RAD51B: variants seen among roughly 807,000 people sequenced by gnomAD.
RAD51B encodes the protein RAD51 paralog B, also known as DNA repair protein RAD51 homolog 2.
RAD51B carries 38 observed loss-of-function variants against 42.2 expected under a neutral mutation model. That is an observed-to-expected ratio of 0.90 (90% CI 0.70 to 1.18). The LOEUF (loss-of-function observed/expected upper bound fraction) is 1.18, where lower values mean the gene tolerates loss of function less well. RAD51B is among the 50% of genes most tolerant of loss of function. RAD51B has a pLI of 0.00. For synonymous variants in RAD51B, 154 were observed against 145.2 expected, an observed-to-expected ratio of 1.06 and a Z score of -0.43; for missense variants, 373 against 400.7, an observed-to-expected ratio of 0.93 and a Z score of 0.59.
At chr14:68,261,047 A>G (rs1488765697) in intron 7 of RAD51B, among the ~76,000 whole-genome samples, 1 of 152,212 alleles carries the variant, frequency 6.6e-6, no homozygotes, top group Non-Finnish European at 1.5e-5. Context: ...ATTTCATAGA[A>G]TCAATTTTTT....
chr14:68,478,189 G>A (rs1882873042), downstream of RAD51B: 1 of 1,014,830 alleles, frequency 9.9e-7, no homozygotes, highest in Non-Finnish European at 1.2e-6. Context: ...GGCGGGCATG[G>A]GCAAGGGGGT....
chr14:68,176,931 G>A (rs1165035058), intron 7 of RAD51B, among the ~76,000 whole-genome samples: 2 of 152,118 alleles, frequency 1.3e-5, no homozygotes, highest in African/African-American at 2.4e-5. Flanking sequence ...CCAAGATGGA[G>A]TTCTGTTTTT....
intron 11 of RAD51B, among the ~76,000 whole-genome samples, chr14:68,675,437 C>A (rs1026294830): frequency 1.3e-5 from 2 of 152,110 alleles, no homozygotes; most frequent in African/African-American, 4.8e-5. Flanking sequence ...GCTTAGGCAT[C>A]TAGGATATGC....
chr14:68,632,784 T>G (rs1186018818), intron 10 of RAD51B, among the ~76,000 whole-genome samples: 1 of 151,872 alleles, frequency 6.6e-6, no homozygotes, highest in African/African-American at 2.4e-5. Context: ...CAGTGGGTCT[T>G]TATGTTTTAC....
intron 9 of RAD51B, among the ~76,000 whole-genome samples, chr14:68,448,683 T>A (rs538848448): frequency 6.6e-6 from 1 of 152,348 alleles, no homozygotes; most frequent in Admixed American, 6.5e-5. Context: ...CATTTTGGCA[T>A]AGTCTGCTTT....
chr14:67,945,658 A>C (rs2045365436), intron 7 of RAD51B, among the ~76,000 whole-genome samples: 1 of 151,668 alleles, frequency 6.6e-6, no homozygotes, highest in African/African-American at 2.4e-5. Flanking sequence ...TTTAGTAGAG[A>C]TGGGGTTTCG....
chr14:68,035,400 C>G (rs918225563), intron 7 of RAD51B, among the ~76,000 whole-genome samples: 2 of 151,818 alleles, frequency 1.3e-5, no homozygotes, highest in Non-Finnish European at 2.9e-5. Context: ...ATTAACATAT[C>G]CTGAGTTACA....
exon 11 of RAD51B, chr14:68,611,144 T>C: frequency 1.4e-6 from 1 of 703,226 alleles, no homozygotes; most frequent in Non-Finnish European, 2.6e-6. Context: ...AGTGTCTCCA[T>C]GTGCCCTCCA....
chr14:68,433,304 G>A (rs1481444422), intron 9 of RAD51B, among the ~76,000 whole-genome samples: 1 of 152,146 alleles, frequency 6.6e-6, no homozygotes, highest in Non-Finnish European at 1.5e-5. Context: ...GCCTTGCTAG[G>A]TTGGAGAAGT....
rs752494264 is a variant in RAD51B, at chr14:68,030,900, G to A, written c.756+143696G>A. On this transcript the variant is annotated intron_variant, in intron 7 of 10. Coordinates refer to ENST00000471583, the MANE Select transcript of RAD51B (RefSeq NM_133510.4). Reference sequence around the variant, plus strand: ...TAATTGGCCTGATTTCAATATTGTTGTGTCTCAAGGAATAGGAAGGCCTGA... The same window carrying A: ...TAATTGGCCTGATTTCAATATTGTTATGTCTCAAGGAATAGGAAGGCCTGA... Among the ~76,000 whole-genome samples, 58 of 152,156 alleles carry A rather than the reference G, an allele frequency of 3.8e-4. 1 individual carries two copies. The highest frequency in any genetic ancestry group is 1.3e-4 in the Admixed American group (2 of 15,274).
chr14:68,542,289 T>G (rs1422621731), intron 10 of RAD51B, among the ~76,000 whole-genome samples: 1 of 152,222 alleles, frequency 6.6e-6, no homozygotes, highest in African/African-American at 2.4e-5. Flanking sequence ...TATTTGGTCA[T>G]TGTCTTCACT....
intron 7 of RAD51B, among the ~76,000 whole-genome samples, chr14:68,023,807 G>A (rs60067288): frequency 0.031 from 4,533 of 147,436 alleles, 238 homozygotes; most frequent in African/African-American, 0.11. Context: ...TGTTTACTCT[G>A]TTGATAGTTT....
intron 7 of RAD51B, among the ~76,000 whole-genome samples, chr14:67,915,881 A>G (rs1595102137): frequency 6.6e-6 from 1 of 152,238 alleles, no homozygotes; most frequent in Non-Finnish European, 1.5e-5. Context: ...GGGAGAATAT[A>G]TAATTTAAGT....
At chr14:68,157,494 TAGTCTGAGAAG>T (rs1566690036) in intron 7 of RAD51B, among the ~76,000 whole-genome samples, 1 of 152,188 alleles carries the variant, frequency 6.6e-6, no homozygotes, top group Non-Finnish European at 1.5e-5. Flanking sequence ...AGAACTAAAA[TAGTCTGAGAAG>T]TCATTTGGAA....
chr14:68,600,477 C>G (rs1443463223), downstream of RAD51B, among the ~76,000 whole-genome samples: 3 of 152,196 alleles, frequency 2.0e-5, no homozygotes, highest in Admixed American at 6.5e-5. Flanking sequence ...ATCCAACAGG[C>G]TGGGTATTGG....
intron 8 of RAD51B, among the ~76,000 whole-genome samples, chr14:68,401,816 G>C (rs2084112259): frequency 6.6e-6 from 1 of 152,168 alleles, no homozygotes; most frequent in South Asian, 2.1e-4. Flanking sequence ...AGTATTTTGA[G>C]AATCTCAAAG....
At chr14:67,956,576 T>A (rs1216790102) in intron 7 of RAD51B, among the ~76,000 whole-genome samples, 1 of 152,222 alleles carries the variant, frequency 6.6e-6, no homozygotes, top group Non-Finnish European at 1.5e-5. Context: ...ATTCCTTTTC[T>A]CGAAAAGTAT....
chr14:67,827,951 T>C (rs756379482), intron 3 of RAD51B, among the ~76,000 whole-genome samples: 1 of 152,232 alleles, frequency 6.6e-6, no homozygotes, highest in African/African-American at 2.4e-5. Context: ...AATGAACATA[T>C]GTGTGCATGT....
intron 5 of RAD51B, among the ~76,000 whole-genome samples, chr14:67,881,602 C>T (rs1002424575): frequency 1.3e-5 from 2 of 152,198 alleles, no homozygotes; most frequent in Admixed American, 6.5e-5. Context: ...GCTCTGTTTA[C>T]TTTCCCTTTC....
Sources: gnomAD v4.1 joint callset for allele counts (sites outside exome capture counted in the v4.1 genomes callset) on GRCh38, gnomAD v4.1.1 for gene constraint, MANE v1.5 for transcripts, NCBI Gene and HGNC (gene_info 2026-07-23, HGNC 2026-07-21) for gene names.